GIT2: variants seen among roughly 807,000 people sequenced by gnomAD.
The protein encoded by GIT2 is GIT ArfGAP 2.
GIT2 carries 32 observed loss-of-function variants against 100.3 expected under a neutral mutation model. The ratio of observed to expected loss-of-function variants is 0.32; its 90% CI spans 0.24 to 0.43. The LOEUF (loss-of-function observed/expected upper bound fraction) is 0.43. Ranked by LOEUF, GIT2 falls within the 20% of genes least tolerant of loss-of-function variation. GIT2 has a pLI of 1.00. For synonymous variants in GIT2, 353 were observed against 364.1 expected (o/e 0.97, Z 0.35); for missense variants, 737 against 975.1 (o/e 0.76, Z 3.25).
Position 109,961,268 on chromosome 12 carries a change from A to G in GIT2, c.987+10T>C. ...CCAACTACTATTCCTTTCCAAACTG[A>G]GCCACTTGCCTGATTTCGTGTTGAT... is the stretch of plus-strand genomic sequence containing the variant. On this transcript the variant is annotated intron_variant, in intron 11 of 19. Transcript: ENST00000355312. The G allele has an allele frequency of 2.0e-6, 3 of 1,503,674 alleles. No homozygotes were observed. The highest frequency in any genetic ancestry group is 2.8e-6 in the Non-Finnish European group (3 of 1,079,296). The allele number at this position is 1,503,674 out of a possible 1,614,324, so 93.1% of individuals were successfully genotyped here.
At chr12:109,961,463 AAC>A (rs539632360) in intron 10 of GIT2, 88 bp from the exon 11 acceptor site, 216 of 971,500 alleles carry the variant, frequency 2.2e-4, no homozygotes, top group Non-Finnish European at 3.0e-4. Flanking sequence ...TACGAGGGGA[AAC>A]ACACTCTGAA....
At chr12:109,989,843 C>G (rs1593158860) in intron 2 of GIT2, 41 bp from the exon 3 acceptor site, 1 of 1,010,332 alleles carries the variant, frequency 9.9e-7, no homozygotes, top group East Asian at 2.4e-5. Context: ...AATTTCTTTT[C>G]ACAAATATTC....
At position 109,948,273 on chromosome 12, in the gene GIT2, T is replaced by A; in HGVS notation, c.1393-769A>T. ...ACGCTTGCTTCCGTCTGGTGAGTGA[T>A]CATCTTTCGGCCAGGGCTGGAATAT... On this transcript the variant is annotated intron_variant, in intron 14 of 19. Coordinates refer to ENST00000355312, the MANE Select transcript of GIT2 (RefSeq NM_057169.5). The surrounding 1 kb of genome is among the most constrained non-coding windows in gnomAD (Gnocchi z 4.3). 1.0e-6 allele frequency: 1 copy of A among 986,630 alleles called. No individual in the cohort carries two copies. The highest frequency in any genetic ancestry group is 1.2e-6 in the Non-Finnish European group (1 of 830,742). The allele number at this position is 986,630 out of a possible 1,614,324, so 61.1% of individuals were successfully genotyped here.
At chr12:109,998,925 T>C (rs949708185), upstream of GIT2, 1 of 152,178 alleles carries the variant, frequency 6.6e-6, no homozygotes, top group African/African-American at 2.4e-5. Flanking sequence ...TGTGCCGAGG[T>C]TGAGAAATCA....
chr12:109,963,982 T>C (rs889892410), intron 9 of GIT2, among the ~76,000 whole-genome samples: 1 of 152,326 alleles, frequency 6.6e-6, no homozygotes, highest in Middle Eastern at 3.4e-3. Flanking sequence ...AGAGCTATAC[T>C]AGACTCTGTT....
At chr12:109,965,062 T>C (rs1419268995) in intron 9 of GIT2, among the ~76,000 whole-genome samples, 1 of 152,180 alleles carries the variant, frequency 6.6e-6, no homozygotes. Flanking sequence ...AAAGCACTGA[T>C]GAATGGCATG....
At chr12:109,995,173 A>G (rs1889116824) in intron 1 of GIT2, among the ~76,000 whole-genome samples, 1 of 152,234 alleles carries the variant, frequency 6.6e-6, no homozygotes, top group Non-Finnish European at 1.5e-5. Flanking sequence ...CTAAAACAGC[A>G]TGTAATAATC....
intron 4 of GIT2, among the ~76,000 whole-genome samples, chr12:109,987,656 C>T (rs764358600): frequency 2.0e-5 from 3 of 151,766 alleles, no homozygotes; most frequent in South Asian, 2.1e-4. Flanking sequence ...TTTGTAGAGA[C>T]GGGGTTTCGC....
At chr12:109,966,403 G>GCCA in intron 8 of GIT2, among the ~76,000 whole-genome samples, 1 of 151,416 alleles carries the variant, frequency 6.6e-6, no homozygotes, top group Middle Eastern at 3.4e-3. Context: ...CAGCAACTCG[G>GCCA]GAGGCGGAGA....
At position 109,983,645 on chromosome 12, in the gene GIT2, A is replaced by C; in HGVS notation, c.455T>G (p.Leu152Arg). Residue 152 changes from leucine (L) to arginine (R), a missense_variant, in exon 5 of 20, where the codon CTG (leucine) becomes CGG (arginine). Transcript: ENST00000355312. The stretch of plus-strand genomic sequence containing the variant: ...GTTGGCTTGTGCTCCTAAAGATAAC[A>C]GTCTCAAACAGGTTTCAAGATTCCC... ...RTGNLETCLR[L>R]LSLGAQANFF... 6.2e-7 allele frequency: 1 copy of C among 1,613,400 alleles called. No individual in the cohort carries two copies. The highest frequency in any genetic ancestry group is 8.5e-7 in the Non-Finnish European group (1 of 1,179,374).
chr12:109,938,323 C>T (rs139720758), intron 18 of GIT2, 57 bp downstream of exon 18: 7 of 1,258,750 alleles, frequency 5.6e-6, no homozygotes, highest in Non-Finnish European at 5.6e-6. Flanking sequence ...TGGGCATCAT[C>T]CCTTTCTGGG....
intron 4 of GIT2, among the ~76,000 whole-genome samples, chr12:109,986,547 G>T (rs965179194): frequency 1.3e-5 from 2 of 152,044 alleles, no homozygotes; most frequent in Non-Finnish European, 2.9e-5. Flanking sequence ...GGCGGATCAC[G>T]AGGTCAGGAA....
Position 109,982,971 on chromosome 12 carries a change from A to C in GIT2, c.623+402T>G, listed in dbSNP as rs572607583. On this transcript the variant is annotated intron_variant, in intron 6 of 19. Transcript: ENST00000355312. ...TAGAGTGAGCACTTAGATGTCTACTACCCAAACCTTACAATTAACTTTTTA... is the reference window on the plus strand; with the variant it reads ...TAGAGTGAGCACTTAGATGTCTACTCCCCAAACCTTACAATTAACTTTTTA... 8.2e-3 allele frequency: 1,390 copies of C among 170,156 alleles called. 28 individuals carry two copies. Among genetic ancestry groups the C allele is most frequent in the African/African-American group, 0.032 (1,316 of 41,614 alleles). The allele number at this position is 170,156 out of a possible 1,614,324, so 10.5% of individuals were successfully genotyped here.
chr12:109,935,626 T>A (rs1872758243), intron 18 of GIT2, among the ~76,000 whole-genome samples: 1 of 152,264 alleles, frequency 6.6e-6, no homozygotes, highest in Non-Finnish European at 1.5e-5. Context: ...GGTCTTGAAC[T>A]CCTGACTGAT....
At chr12:109,938,651 G>C (rs1399088865) in intron 17 of GIT2, 83 bp from the exon 18 acceptor site, 2 of 929,764 alleles carry the variant, frequency 2.2e-6, no homozygotes, top group African/African-American at 3.3e-5. Context: ...TGTATGCACT[G>C]GCTAAATGCA....
intron 7 of GIT2, among the ~76,000 whole-genome samples, chr12:109,977,704 C>A (rs927704691): frequency 1.3e-5 from 2 of 151,960 alleles, no homozygotes; most frequent in Non-Finnish European, 2.9e-5. Flanking sequence ...CACGTGTAAT[C>A]CCAGCTACTC....
At chr12:109,993,729 C>T (rs1888830631) in intron 1 of GIT2, among the ~76,000 whole-genome samples, 1 of 151,974 alleles carries the variant, frequency 6.6e-6, no homozygotes, top group Admixed American at 6.6e-5. Flanking sequence ...GATCACTGGA[C>T]AAAGTTTTTG....
At chr12:109,985,420 G>T (rs554031606) in intron 4 of GIT2, among the ~76,000 whole-genome samples, 1 of 151,314 alleles carries the variant, frequency 6.6e-6, no homozygotes, top group South Asian at 2.1e-4. Context: ...GATTAAAAAA[G>T]GGGGGGGAAA....
intron 4 of GIT2, among the ~76,000 whole-genome samples, chr12:109,986,267 T>C (rs1002962407): frequency 6.6e-6 from 1 of 152,106 alleles, no homozygotes; most frequent in Non-Finnish European, 1.5e-5. Flanking sequence ...CCAAAATCCA[T>C]GATGAACACA....
Sources: allele counts gnomAD v4.1 joint callset (sites outside exome capture counted in the v4.1 genomes callset), GRCh38; gene constraint gnomAD v4.1.1; non-coding constraint Gnocchi (gnomAD v3.1); transcripts MANE v1.5; gene names NCBI Gene and HGNC (gene_info 2026-07-23, HGNC 2026-07-21).